The following SMIM8 variants were observed in gnomAD, a reference collection of about 807,000 sequenced individuals.
SMIM8 encodes the protein small integral membrane protein 8.
A neutral mutation model predicts 8.1 loss-of-function variants in SMIM8; 8 were observed. The observed-to-expected ratio is 0.99, with a 90% CI of 0.58 to 1.78. SMIM8 has a LOEUF of 1.78. Among genes scored for constraint, SMIM8 ranks in the 40% most tolerant of loss-of-function variants. SMIM8 has a pLI of 0.00. For missense variants in SMIM8, 126 were observed against 119.8 expected (o/e 1.05, Z -0.24); for synonymous variants, 45 against 39.7 (o/e 1.13, Z -0.50).
At chr6:87,337,528 A>G (rs1213313992) in intron 3 of SMIM8, among the ~76,000 whole-genome samples, 2 of 152,218 alleles carry the variant, frequency 1.3e-5, no homozygotes, top group African/African-American at 2.4e-5. Flanking sequence ...GGAAACCAAA[A>G]TGAAAATCTG....
intron 1 of SMIM8, 183 bp downstream of exon 1, chr6:87,322,815 C>A (rs1035577865): frequency 6.6e-6 from 1 of 152,232 alleles, no homozygotes; most frequent in African/African-American, 2.4e-5. Flanking sequence ...GTACCCGCAC[C>A]CCAAGTCGGT....
At chr6:87,334,434 CTTGT>C (rs75607753) in intron 2 of SMIM8, among the ~76,000 whole-genome samples, 17,651 of 151,560 alleles carry the variant, frequency 0.12, 1,047 homozygotes, top group East Asian at 0.13. Flanking sequence ...GCTTCAGTGG[CTTGT>C]TTGTTTGTTT....
chr6:87,326,258 C>T (rs1047917942), intron 1 of SMIM8, among the ~76,000 whole-genome samples: 2 of 152,182 alleles, frequency 1.3e-5, no homozygotes, highest in African/African-American at 2.4e-5. Flanking sequence ...TTTAATGTCT[C>T]TATTTCCTTT....
chr6:87,342,174 C>A lies in SMIM8; in HGVS notation c.*1900C>A, dbSNP rs865808077. On this transcript the variant is annotated 3_prime_UTR_variant, in exon 4 of 4. Transcript: ENST00000392863. Reference sequence around the variant, plus strand: ...CTGAATTTTAGGAACAAGTACCTGACTATGATACTTTTTACAGAGTGACTA... The same window carrying A: ...CTGAATTTTAGGAACAAGTACCTGAATATGATACTTTTTACAGAGTGACTA... The A allele has an allele frequency of 5.9e-5, 9 of 152,204 alleles. No homozygotes were observed. Among genetic ancestry groups the A allele is most frequent in the African/African-American group, 2.2e-4 (9 of 41,448 alleles). 9.4% of individuals were successfully genotyped at this position (152,204 alleles called of 1,614,324 possible).
chr6:87,328,564 G>C (rs533190724), intron 1 of SMIM8, among the ~76,000 whole-genome samples: 19 of 152,044 alleles, frequency 1.2e-4, no homozygotes, highest in African/African-American at 4.6e-4. Flanking sequence ...TAGGCTGCTC[G>C]GGGGTCAGGG....
intron 1 of SMIM8, chr6:87,329,065 A>C (rs1776922465): frequency 6.6e-6 from 1 of 152,664 alleles, no homozygotes. Context: ...GAACTCCCTG[A>C]CCCCTTGCAC....
At chr6:87,323,548 G>C (rs1051424280) in intron 1 of SMIM8, among the ~76,000 whole-genome samples, 6 of 151,358 alleles carry the variant, frequency 4.0e-5, no homozygotes, top group African/African-American at 1.5e-4. Flanking sequence ...TCTTGCGATA[G>C]TTTACTGAGA....
In SMIM8 at chr6:87,330,743, T is replaced by A. The variant is rs1018807519; in HGVS notation, c.-24+31T>A. On this transcript the variant is annotated intron_variant, in intron 2 of 3. Coordinates refer to ENST00000392863, the MANE Select transcript of SMIM8 (RefSeq NM_001042493.3). ...GAACATTTTACCAGAGAGAAACAAA[T>A]GAAGCAAATACCCCTTAGTTTAGAC... is the stretch of plus-strand genomic sequence containing the variant. 3 of 151,538 alleles carry A rather than the reference T, an allele frequency of 2.0e-5. No homozygotes were observed. In the East Asian group the frequency reaches 5.8e-4, roughly 29 times the overall value. The allele number at this position is 151,538 out of a possible 1,614,324, so 9.4% of individuals were successfully genotyped here. A position where few individuals can be genotyped will look rare whatever the true frequency, so the allele number is the denominator to read the frequency against.
chr6:87,340,201 A>C lies in SMIM8; in HGVS notation c.221A>C (p.Lys74Thr). Residue 74 changes from lysine to threonine, a missense_variant, in exon 4 of 4, where the codon AAA becomes ACA. Lys to Thr is a moderately conservative substitution (Grantham distance 78, BLOSUM62 -1). Coordinates refer to ENST00000392863, the MANE Select transcript of SMIM8 (RefSeq NM_001042493.3). ...TATCTACATGCAATACAAGAGAATA[A>C]AAAGGACCTCTATGAAGCTATTGAT... ...IGYLHAIQENKKDLYEAIDSE... is the reference protein window; with the variant it reads ...IGYLHAIQENTKDLYEAIDSE... 6.2e-7 allele frequency: 1 copy of C among 1,611,686 alleles called. No homozygotes were observed. Among genetic ancestry groups the C allele is most frequent in the South Asian group, 1.1e-5 (1 of 90,450 alleles).
chr6:87,324,582 A>G (rs899616331), intron 1 of SMIM8, among the ~76,000 whole-genome samples: 4 of 150,800 alleles, frequency 2.7e-5, no homozygotes, highest in Admixed American at 1.3e-4. Context: ...ATAGTTGTAG[A>G]TATGTGGCGT....
intron 1 of SMIM8, among the ~76,000 whole-genome samples, chr6:87,326,506 G>C (rs1381052399): frequency 1.3e-5 from 2 of 151,678 alleles, no homozygotes; most frequent in Non-Finnish European, 2.9e-5. Context: ...CTTTATTTCT[G>C]CCTTCAGTTC....
intron 2 of SMIM8, among the ~76,000 whole-genome samples, chr6:87,334,254 T>G (rs1777054877): frequency 1.3e-5 from 2 of 152,186 alleles, no homozygotes; most frequent in South Asian, 4.1e-4. Flanking sequence ...CCAGAGCTTA[T>G]CAGGCATGGT....
At position 87,325,631 on chromosome 6, in the gene SMIM8, G is replaced by T. The variant is rs548906927; in HGVS notation, c.-45+2999G>T. 6.6e-5 allele frequency among the ~76,000 whole-genome samples: 10 copies of T among 151,252 alleles called. No individual in the cohort carries two copies. The East Asian group carries it at 1.9e-3, about 29-fold the overall frequency. ...GGGATGAAGCCCACTTGATCATGGT[G>T]GATAAGCTTTTTGATGTGCTGCTGG... is the stretch of plus-strand genomic sequence containing the variant. On this transcript the variant is annotated intron_variant, in intron 1 of 3. Coordinates refer to ENST00000392863, the MANE Select transcript of SMIM8 (RefSeq NM_001042493.3).
chr6:87,330,527 C>T (rs894553486), intron 1 of SMIM8, among the ~76,000 whole-genome samples, 165 bp from the exon 2 acceptor site: 2 of 152,064 alleles, frequency 1.3e-5, no homozygotes, highest in African/African-American at 4.8e-5. Flanking sequence ...CTAGTCCTGA[C>T]TCTCGGTGTA....
rs1048893 is a variant in SMIM8 at position 87,337,082 on chromosome 6, G to A, written c.51G>A (p.Glu17=). 179,655 of 1,612,478 alleles carry A rather than the reference G, an allele frequency of 0.11. 10,473 individuals are homozygous for A. The highest frequency in any genetic ancestry group is 0.12 in the East Asian group (5,439 of 44,840). Reference sequence around the variant, plus strand: ...CATTCAAAAAGGAACCACCCAAAGAGAAAGAGTTTCAAAGCCCAGGGCTCA... The same window carrying A: ...CATTCAAAAAGGAACCACCCAAAGAAAAAGAGTTTCAAAGCCCAGGGCTCA... ...PPTFKKEPPK[E]KEFQSPGLRG... The change falls in exon 3 of 4, where the codon GAG becomes GAA. Residue 17 remains glutamate, a synonymous_variant. Transcript: ENST00000392863.
chr6:87,332,344 A>ATATATATATATATATATATAT (rs1490339070), intron 2 of SMIM8, among the ~76,000 whole-genome samples: 1 of 143,332 alleles, frequency 7.0e-6, no homozygotes, highest in African/African-American at 2.7e-5. Flanking sequence ...TATATATATA[A>ATATATATATATATATATATAT]ATGACAGCAG....
intron 2 of SMIM8, among the ~76,000 whole-genome samples, chr6:87,335,697 T>A (rs919606387): frequency 3.9e-5 from 6 of 152,024 alleles, no homozygotes; most frequent in Admixed American, 3.9e-4. Flanking sequence ...GTAAGCTTAA[T>A]GAATACTTAT....
intron 2 of SMIM8, among the ~76,000 whole-genome samples, chr6:87,335,876 G>A (rs1487374901): frequency 6.8e-6 from 1 of 147,546 alleles, no homozygotes; most frequent in East Asian, 2.0e-4. Context: ...AAAAAGCCAG[G>A]TGTGGTGCAT....
Position 87,324,627 on chromosome 6 carries a change from A to G in SMIM8, c.-45+1995A>G, listed in dbSNP as rs368159406. Among the ~76,000 whole-genome samples, 182 of 142,662 alleles carry G rather than the reference A, an allele frequency of 1.3e-3. 1 individual carries two copies. Among genetic ancestry groups the G allele is most frequent in the African/African-American group, 4.2e-3 (169 of 39,930 alleles). 93.6% of individuals were successfully genotyped at this position (142,662 alleles called of 152,430 possible). ...GGGCTCTGTTCTATTCCATTGATCT[A>G]TATCTCTGTTTTGGTACCAGTACCA... On this transcript the variant is annotated intron_variant, in intron 1 of 3. Transcript: ENST00000392863.
Sources: gnomAD v4.1 joint callset for allele counts (sites outside exome capture counted in the v4.1 genomes callset) on GRCh38, gnomAD v4.1.1 for gene constraint, MANE v1.5 for transcripts, NCBI Gene and HGNC (gene_info 2026-07-23, HGNC 2026-07-21) for gene names.